Variants in CHCHD6 observed in about 807,000 individuals in gnomAD.
CHCHD6 encodes coiled-coil-helix-coiled-coil-helix domain containing 6.
CHCHD6 carries 28 observed loss-of-function variants against 32.3 expected under a neutral mutation model. The ratio of observed to expected loss-of-function variants is 0.87; its 90% confidence interval spans 0.64 to 1.19. The LOEUF (loss-of-function observed/expected upper bound fraction) is 1.19. Ranked by LOEUF, CHCHD6 falls within the 50% of genes most tolerant of loss-of-function variation. The pLI is 0.00. For synonymous variants in CHCHD6, 122 were observed against 117.5 expected, an observed-to-expected ratio of 1.04 and a Z score of -0.25; for missense variants, 333 against 307.0, an observed-to-expected ratio of 1.08 and a Z score of -0.63.
At chr3:126,767,102 T>G in intron 4 of CHCHD6, 2 of 1,385,874 alleles carry the variant, frequency 1.4e-6, no homozygotes, top group South Asian at 2.3e-5. Context: ...GGCGATGAAC[T>G]TCCCATCCGA....
chr3:126,807,865 T>C (rs551559724), intron 4 of CHCHD6, among the ~76,000 whole-genome samples: 1 of 152,334 alleles, frequency 6.6e-6, no homozygotes, highest in South Asian at 2.1e-4. Flanking sequence ...ACGGGCCACA[T>C]GGTCTCTATT....
intron 5 of CHCHD6, among the ~76,000 whole-genome samples, chr3:126,880,844 A>T (rs1055154093): frequency 6.6e-6 from 1 of 152,240 alleles, no homozygotes; most frequent in African/African-American, 2.4e-5. Context: ...GAAACAAGAA[A>T]TAGTGAAAAT....
intron 4 of CHCHD6, among the ~76,000 whole-genome samples, chr3:126,801,512 G>A (rs1332316116): frequency 1.3e-5 from 2 of 152,316 alleles, no homozygotes; most frequent in African/African-American, 4.8e-5. Flanking sequence ...CTAGGGGAGG[G>A]GCACCCGACA....
chr3:126,952,905 G>A lies in CHCHD6; in HGVS notation c.567-4511G>A, dbSNP rs115714388. 963 of 936,092 alleles carry A rather than the reference G, an allele frequency of 1.0e-3. 10 individuals are homozygous for A. The African/African-American group carries it at 0.014, about 14-fold the overall frequency. 58.0% of individuals were successfully genotyped at this position (936,092 alleles called of 1,614,324 possible). On this transcript the variant is annotated intron_variant, in intron 6 of 7. Coordinates refer to ENST00000290913, the MANE Select transcript of CHCHD6 (RefSeq NM_032343.3). Reference sequence around the variant, plus strand: ...GGAGTCAGGCAGACCTATGCGGCCTGCTTGCCAGGGACCAGGACCCATGTG... The same window carrying A: ...GGAGTCAGGCAGACCTATGCGGCCTACTTGCCAGGGACCAGGACCCATGTG...
At chr3:126,909,624 A>T (rs1313301277) in intron 5 of CHCHD6, among the ~76,000 whole-genome samples, 1 of 152,252 alleles carries the variant, frequency 6.6e-6, no homozygotes, top group African/African-American at 2.4e-5. Context: ...AATGGAGGTC[A>T]GGCCTCCTGC....
At chr3:126,788,813 C>T (rs997212271) in intron 4 of CHCHD6, among the ~76,000 whole-genome samples, 1 of 152,132 alleles carries the variant, frequency 6.6e-6, no homozygotes, top group Non-Finnish European at 1.5e-5. Flanking sequence ...TTTTGTGTCT[C>T]TATCTCCTTC....
chr3:126,857,343 C>T (rs1223535705), intron 5 of CHCHD6, among the ~76,000 whole-genome samples: 3 of 152,188 alleles, frequency 2.0e-5, no homozygotes, highest in Non-Finnish European at 4.4e-5. Flanking sequence ...AAAACCAAGT[C>T]AGGAAGAAAG....
intron 4 of CHCHD6, among the ~76,000 whole-genome samples, chr3:126,834,382 TAAGTC>T (rs1940771066): frequency 6.6e-6 from 1 of 151,988 alleles, no homozygotes; most frequent in Non-Finnish European, 1.5e-5. Context: ...GAAGACAAAA[TAAGTC>T]ATTCAGGGAT....
In CHCHD6 at chr3:126,737,045, G is replaced by A. The variant is rs149608085; in HGVS notation, c.411+3823G>A. On this transcript the variant is annotated intron_variant, in intron 4 of 7. Transcript: ENST00000290913. ...AGAAAGCAAAAACTTTCTTGGCTGG[G>A]CGCGGTGGCTCACACCTGTAATACC... 5.1e-3 allele frequency among the ~76,000 whole-genome samples: 779 copies of A among 152,234 alleles called. 4 individuals carry two copies. Among genetic ancestry groups the A allele is most frequent in the Middle Eastern group, 0.037 (11 of 294 alleles).
At chr3:126,767,240 G>A (rs1374813729) in intron 4 of CHCHD6, 2 of 1,462,252 alleles carry the variant, frequency 1.4e-6, no homozygotes, top group Non-Finnish European at 1.9e-6. Flanking sequence ...TATTATCTGT[G>A]CGGGGCTGGG....
chr3:126,859,750 TCTTCCACTG>T, intron 5 of CHCHD6, among the ~76,000 whole-genome samples: 1 of 152,198 alleles, frequency 6.6e-6, no homozygotes, highest in Admixed American at 6.5e-5. Flanking sequence ...CAGAGCCCGC[TCTTCCACTG>T]CCACGTGCTG....
At chr3:126,773,820 G>T (rs375335432) in intron 4 of CHCHD6, among the ~76,000 whole-genome samples, 8 of 151,884 alleles carry the variant, frequency 5.3e-5, no homozygotes, top group African/African-American at 1.9e-4. Flanking sequence ...TGCCCAGGCT[G>T]GTCTTGAACA....
At chr3:126,901,007 A>AC (rs564394949) in intron 5 of CHCHD6, among the ~76,000 whole-genome samples, 1,875 of 149,252 alleles carry the variant, frequency 0.013, 20 homozygotes, top group Middle Eastern at 0.048. Flanking sequence ...TGATGCAAAC[A>AC]CCCCCCCCAG....
Position 126,800,580 on chromosome 3 carries a change from C to G in CHCHD6, c.412-52067C>G, listed in dbSNP as rs141094491. Among the ~76,000 whole-genome samples, 325 of 152,264 alleles carry G rather than the reference C, an allele frequency of 2.1e-3. 3 individuals carry two copies. The highest frequency in any genetic ancestry group is 6.5e-3 in the African/African-American group (271 of 41,558). ...GACACAGTCAGATCCCCTCTGTGAT[C>G]TGATAAAACTACGAGATAAAACGTC... On this transcript the variant is annotated intron_variant, in intron 4 of 7. Coordinates refer to ENST00000290913, the MANE Select transcript of CHCHD6 (RefSeq NM_032343.3).
chr3:126,891,015 G>A (rs2077751432), intron 5 of CHCHD6, among the ~76,000 whole-genome samples: 2 of 152,218 alleles, frequency 1.3e-5, no homozygotes, highest in Admixed American at 6.5e-5. Context: ...GGTGGATTGG[G>A]ATGGGGTGAA....
At chr3:126,776,098 T>C (rs1393835452) in intron 4 of CHCHD6, among the ~76,000 whole-genome samples, 1 of 152,134 alleles carries the variant, frequency 6.6e-6, no homozygotes, top group African/African-American at 2.4e-5. Flanking sequence ...GGGGTGAATG[T>C]GGAGTGGGAA....
At chr3:126,933,073 G>A (rs1382157119) in intron 6 of CHCHD6, among the ~76,000 whole-genome samples, 3 of 152,080 alleles carry the variant, frequency 2.0e-5, no homozygotes, top group South Asian at 2.1e-4. Context: ...ACTGACCCAC[G>A]GTTCTGAAAA....
intron 5 of CHCHD6, among the ~76,000 whole-genome samples, chr3:126,899,349 C>T (rs2077887545): frequency 2.0e-5 from 3 of 152,002 alleles, no homozygotes; most frequent in African/African-American, 7.2e-5. Flanking sequence ...TGCAAATTTT[C>T]CAAAGCTTGA....
intron 5 of CHCHD6, among the ~76,000 whole-genome samples, chr3:126,908,201 GT>G (rs59547468): frequency 0.056 from 8,565 of 152,280 alleles, 301 homozygotes; most frequent in East Asian, 0.16. Flanking sequence ...GTCAGTGACT[GT>G]TTGGCTCCTG....
Sources: gnomAD v4.1 joint callset for allele counts (sites outside exome capture counted in the v4.1 genomes callset) on GRCh38, gnomAD v4.1.1 for gene constraint, MANE v1.5 for transcripts, NCBI Gene and HGNC (gene_info 2026-07-23, HGNC 2026-07-21) for gene names.